The following PACRG variants were observed in gnomAD, a reference collection of about 807,000 sequenced individuals.
PACRG encodes parkin coregulated, also known as parkin coregulated gene protein.
In PACRG, 29 loss-of-function variants were observed where a neutral mutation model predicts 29.7. The ratio of observed to expected loss-of-function variants is 0.98; its 90% confidence interval spans 0.73 to 1.33. The LOEUF (loss-of-function observed/expected upper bound fraction) is 1.33. Among genes scored for constraint, PACRG ranks in the 40% most tolerant of loss-of-function variants. The pLI, the probability that PACRG is intolerant of heterozygous loss-of-function variation, is 0.00. For synonymous variants in PACRG, 116 were observed against 118.7 expected (o/e 0.98, Z 0.15); for missense variants, 279 against 316.2 (o/e 0.88, Z 0.89).
chr6:162,863,057 T>C (rs1364297629), intron 2 of PACRG, among the ~76,000 whole-genome samples: 2 of 152,218 alleles, frequency 1.3e-5, no homozygotes, highest in East Asian at 3.9e-4. Flanking sequence ...ATCAGGAAAC[T>C]ACTCAGTATA....
intron 2 of PACRG, among the ~76,000 whole-genome samples, chr6:163,002,071 G>C (rs1804638462): frequency 6.6e-6 from 1 of 152,210 alleles, no homozygotes; most frequent in Admixed American, 6.5e-5. Flanking sequence ...TACTCAGTCT[G>C]CTCTAACTGA....
intron 4 of PACRG, chr6:163,170,923 G>A (rs1360635248): frequency 6.6e-6 from 1 of 152,166 alleles, no homozygotes. Context: ...CCTAATGTCA[G>A]CTCATCAAAT....
At chr6:162,887,648 A>G (rs1256799251) in intron 2 of PACRG, among the ~76,000 whole-genome samples, 1 of 152,214 alleles carries the variant, frequency 6.6e-6, no homozygotes, top group Non-Finnish European at 1.5e-5. Flanking sequence ...CTTAAGAAGT[A>G]TAACTATTCA....
intron 1 of PACRG, among the ~76,000 whole-genome samples, chr6:162,805,111 C>T (rs972887443): frequency 1.3e-5 from 2 of 152,108 alleles, no homozygotes; most frequent in Non-Finnish European, 2.9e-5. Context: ...TTATAATCTT[C>T]TGGGACTACA....
At chr6:162,846,054 G>C (rs79405081) in intron 2 of PACRG, among the ~76,000 whole-genome samples, 10 of 152,140 alleles carry the variant, frequency 6.6e-5, no homozygotes, top group African/African-American at 7.2e-5. Context: ...ACCTAGGTGC[G>C]GGTCTGACCC....
At chr6:162,845,134 A>G (rs1279846555) in intron 2 of PACRG, among the ~76,000 whole-genome samples, 1 of 152,192 alleles carries the variant, frequency 6.6e-6, no homozygotes, top group Non-Finnish European at 1.5e-5. Flanking sequence ...ACAATAGGTA[A>G]TAGTTAATTA....
At chr6:162,762,156 G>A (rs1782425128) in intron 1 of PACRG, among the ~76,000 whole-genome samples, 1 of 152,112 alleles carries the variant, frequency 6.6e-6, no homozygotes, top group Admixed American at 6.5e-5. Flanking sequence ...AAGTGAATGA[G>A]GCATTGTCCG....
chr6:163,135,491 T>A (rs1816899180), intron 4 of PACRG, among the ~76,000 whole-genome samples: 2 of 152,214 alleles, frequency 1.3e-5, no homozygotes, highest in Admixed American at 6.5e-5. Context: ...CCAGCCTTAG[T>A]TAAGTCATTT....
At chr6:163,014,480 A>G (rs555585986) in intron 2 of PACRG, among the ~76,000 whole-genome samples, 5 of 151,642 alleles carry the variant, frequency 3.3e-5, no homozygotes, top group African/African-American at 1.2e-4. Flanking sequence ...CCAACAGTGT[A>G]TAAGTGTTCC....
chr6:163,024,274 A>G (rs189917802), intron 2 of PACRG, among the ~76,000 whole-genome samples: 4 of 152,240 alleles, frequency 2.6e-5, no homozygotes, highest in Admixed American at 6.5e-5. Context: ...TCCAGATTCA[A>G]TCTTCTAGCT....
At chr6:163,291,917 T>C (rs986558256) in intron 4 of PACRG, among the ~76,000 whole-genome samples, 4 of 152,026 alleles carry the variant, frequency 2.6e-5, no homozygotes, top group African/African-American at 2.4e-5. Flanking sequence ...TAGAAGACAA[T>C]TGGCCTGAAG....
intron 4 of PACRG, among the ~76,000 whole-genome samples, chr6:163,299,982 G>GC (rs1323119012): frequency 6.6e-6 from 1 of 152,202 alleles, no homozygotes; most frequent in Non-Finnish European, 1.5e-5. Context: ...CACGTAGGGG[G>GC]CACAGAGCTC....
intron 4 of PACRG, among the ~76,000 whole-genome samples, chr6:163,307,136 G>A (rs71567701): frequency 0.068 from 10,285 of 152,214 alleles, 477 homozygotes; most frequent in Non-Finnish European, 0.098. Context: ...CAATTGTTTA[G>A]AAATTGTCAT....
chr6:162,730,544 G>A (rs1398737326), intron 1 of PACRG, among the ~76,000 whole-genome samples: 2 of 152,160 alleles, frequency 1.3e-5, no homozygotes, highest in East Asian at 1.9e-4. Context: ...CTCTGAGTGC[G>A]ATAGTGATAC....
chr6:163,308,665 C>CAAAAAAAAAAAA (rs34275762), intron 4 of PACRG, among the ~76,000 whole-genome samples: 7 of 131,398 alleles, frequency 5.3e-5, no homozygotes, highest in Non-Finnish European at 8.4e-5. Flanking sequence ...GGCTCCGTCT[C>CAAAAAAAAAAAA]AAAAAAAAAA....
chr6:163,227,001 TA>T (rs1489422265), intron 4 of PACRG, among the ~76,000 whole-genome samples: 2 of 152,038 alleles, frequency 1.3e-5, no homozygotes, highest in South Asian at 2.1e-4. Flanking sequence ...GATGGTACGT[TA>T]AAAAAAATAA....
chr6:163,011,176 C>T (rs1311708310), intron 2 of PACRG, among the ~76,000 whole-genome samples: 1 of 152,146 alleles, frequency 6.6e-6, no homozygotes, highest in African/African-American at 2.4e-5. Flanking sequence ...AGACCTTCCT[C>T]CTGCTGCAGT....
intron 2 of PACRG, among the ~76,000 whole-genome samples, chr6:162,900,035 G>A (rs1239134954): frequency 6.6e-6 from 1 of 152,096 alleles, no homozygotes; most frequent in Non-Finnish European, 1.5e-5. Context: ...GGGAAGGGCG[G>A]GGGAGAGAGA....
chr6:163,061,922 A>T lies in PACRG; in HGVS notation c.292-228A>T, dbSNP rs1227963976. Among the ~76,000 whole-genome samples, 8 of 152,168 alleles carry T rather than the reference A, an allele frequency of 5.3e-5. No homozygotes were observed. The South Asian group carries it at 1.7e-3, about 32-fold the overall frequency. ...TGCTGTCAATGTGCATTGTATGTGG[A>T]TGGGAGATTTAACTGTTAAGGTCTA... On this transcript the variant is annotated intron_variant, in intron 2 of 4. Transcript: ENST00000366888.
Sources: allele counts gnomAD v4.1 joint callset (sites outside exome capture counted in the v4.1 genomes callset), GRCh38; gene constraint gnomAD v4.1.1; transcripts MANE v1.5; gene names NCBI Gene and HGNC (gene_info 2026-07-23, HGNC 2026-07-21).